The following PCDHA6 variants were observed in gnomAD, a reference collection of about 807,000 sequenced individuals.
The protein encoded by PCDHA6 is protocadherin alpha-6.
Under a neutral mutation model 60.3 loss-of-function variants are expected in PCDHA6, and 55 were observed. The ratio of observed to expected loss-of-function variants is 0.91; its 90% confidence interval spans 0.73 to 1.14. PCDHA6 has a LOEUF of 1.14. Among genes scored for constraint, PCDHA6 ranks in the 50% most tolerant of loss-of-function variants. The probability of loss-of-function intolerance (pLI) is 0.00; values close to 1 mark genes in which losing one functional copy is unlikely to be tolerated. For synonymous variants in PCDHA6, 652 were observed against 557.9 expected (o/e 1.17, Z -2.38); for missense variants, 1,327 against 1,256.5 (o/e 1.06, Z -0.85).
intron 1 of PCDHA6, chr5:140,966,787 A>G (rs781920865): frequency 6.5e-7 from 1 of 1,526,816 alleles, no homozygotes; most frequent in African/African-American, 1.4e-5. Context: ...CGGGCACCAG[A>G]CCTGCGGCGA....
intron 3 of PCDHA6, among the ~76,000 whole-genome samples, chr5:141,006,816 G>C (rs1554260932): frequency 6.6e-6 from 1 of 152,082 alleles, no homozygotes; most frequent in African/African-American, 2.4e-5. Flanking sequence ...TGAGAAATGG[G>C]GTAAATGGGG....
chr5:140,904,150 C>T (rs1005130566), intron 1 of PCDHA6, among the ~76,000 whole-genome samples: 1 of 152,036 alleles, frequency 6.6e-6, no homozygotes, highest in Non-Finnish European at 1.5e-5. Context: ...GTATACATTG[C>T]ACCCAGTTTG....
intron 1 of PCDHA6, chr5:140,869,581 GC>G: frequency 6.2e-7 from 1 of 1,614,134 alleles, no homozygotes; most frequent in Non-Finnish European, 8.5e-7. Flanking sequence ...AGCTTCTGAT[GC>G]TGACATTGAA....
intron 1 of PCDHA6, among the ~76,000 whole-genome samples, chr5:140,906,204 C>A (rs2072457750): frequency 6.6e-6 from 1 of 152,192 alleles, no homozygotes. Context: ...AGTTGACACT[C>A]AGTATTAACC....
intron 1 of PCDHA6, among the ~76,000 whole-genome samples, chr5:140,831,489 T>G (rs201504089): frequency 3.9e-4 from 58 of 148,714 alleles, no homozygotes; most frequent in African/African-American, 1.2e-3. Context: ...CCTCTGGAGT[T>G]ACTACACACG....
intron 1 of PCDHA6, among the ~76,000 whole-genome samples, chr5:140,912,408 T>A (rs1376927432): frequency 6.6e-6 from 1 of 152,054 alleles, no homozygotes; most frequent in Non-Finnish European, 1.5e-5. Flanking sequence ...TCAGCTTGGT[T>A]ATTATTGGTG....
At chr5:140,890,829 T>A (rs1477608523) in intron 1 of PCDHA6, among the ~76,000 whole-genome samples, 1 of 152,226 alleles carries the variant, frequency 6.6e-6, no homozygotes, top group Non-Finnish European at 1.5e-5. Context: ...TGTACTTACA[T>A]ATTTACCAGT....
In PCDHA6 at chr5:140,857,966, G is replaced by C. The variant is rs1212933789; in HGVS notation, c.2394+27481G>C. 1.9e-6 allele frequency: 3 copies of C among 1,596,950 alleles called. No individual in the cohort carries two copies. The highest frequency in any genetic ancestry group is 1.1e-5 in the South Asian group (1 of 90,498). ...TACGACGCGCGCTCTGGATGAGACT[G>C]ACTCGCCACGCCAGCGCCTACTGGT... is the stretch of plus-strand genomic sequence containing the variant. On this transcript the variant is annotated intron_variant, in intron 1 of 3. Transcript: ENST00000529310.
chr5:140,853,528 C>G, intron 1 of PCDHA6: 1 of 978,674 alleles, frequency 1.0e-6, no homozygotes, highest in South Asian at 4.8e-5. Context: ...CCTCCTATGT[C>G]TCTTTTCAAG....
chr5:140,999,403 A>G (rs1325467300), intron 3 of PCDHA6, among the ~76,000 whole-genome samples: 7 of 152,176 alleles, frequency 4.6e-5, no homozygotes, highest in African/African-American at 1.7e-4. Context: ...TTTGCATATG[A>G]AAGAATGGGA....
chr5:140,889,856 G>GT (rs1471217688), intron 1 of PCDHA6, among the ~76,000 whole-genome samples: 17 of 152,122 alleles, frequency 1.1e-4, no homozygotes, highest in African/African-American at 4.1e-4. Context: ...GAGAATATTT[G>GT]TTTTGGGGGA....
chr5:140,869,247 C>T (rs1186478553), intron 1 of PCDHA6: 8 of 1,613,526 alleles, frequency 5.0e-6, no homozygotes, highest in Middle Eastern at 1.7e-4. Flanking sequence ...TGGGCCGCAT[C>T]GCGCAGGACC....
intron 1 of PCDHA6, chr5:140,866,712 T>C (rs2049515311): frequency 6.6e-6 from 1 of 152,156 alleles, no homozygotes; most frequent in South Asian, 2.1e-4. Context: ...CGTGCACTAG[T>C]AAGACATTAA....
At chr5:140,914,962 T>C (rs1301307235) in intron 1 of PCDHA6, among the ~76,000 whole-genome samples, 2 of 136,964 alleles carry the variant, frequency 1.5e-5, no homozygotes, top group Non-Finnish European at 3.2e-5. Flanking sequence ...TTTTTTTTTT[T>C]CTGAGTCAGA....
In PCDHA6 at chr5:140,837,841, C is replaced by T. The variant is rs148049265; in HGVS notation, c.2394+7356C>T. On this transcript the variant is annotated intron_variant, in intron 1 of 3. Coordinates refer to ENST00000529310, the MANE Select transcript of PCDHA6 (RefSeq NM_018909.4). ...ACAGTTTGCATGTCATTGTGCCTGGCTAATTTTATTTTATTTTTGTAGAGA... is the reference window on the plus strand; with the variant it reads ...ACAGTTTGCATGTCATTGTGCCTGGTTAATTTTATTTTATTTTTGTAGAGA... Among the ~76,000 whole-genome samples, 417 of 151,502 alleles carry T rather than the reference C, an allele frequency of 2.8e-3. 6 individuals carry two copies. The highest frequency in any genetic ancestry group is 9.7e-3 in the African/African-American group (400 of 41,204).
intron 1 of PCDHA6, chr5:140,882,607 T>G (rs1313419888): frequency 6.8e-6 from 11 of 1,614,124 alleles, no homozygotes; most frequent in East Asian, 2.2e-5. Flanking sequence ...TGGACAGGCC[T>G]CTGCAGGTTT....
intron 1 of PCDHA6, among the ~76,000 whole-genome samples, chr5:140,892,991 A>G (rs1477087965): frequency 1.3e-5 from 2 of 152,196 alleles, no homozygotes; most frequent in African/African-American, 2.4e-5. Context: ...TATAAGTGAG[A>G]ACATGTATTT....
chr5:140,985,283 A>G (rs955144760), intron 3 of PCDHA6, among the ~76,000 whole-genome samples: 6 of 152,020 alleles, frequency 3.9e-5, no homozygotes, highest in Admixed American at 1.3e-4. Context: ...TCTGCAATCT[A>G]TGATATAGTG....
chr5:140,856,803 A>G, intron 1 of PCDHA6: 4 of 1,595,568 alleles, frequency 2.5e-6, no homozygotes, highest in Non-Finnish European at 3.4e-6. Flanking sequence ...AAGATGTATG[A>G]AAATCAAGTG....
Sources: allele counts gnomAD v4.1 joint callset (sites outside exome capture counted in the v4.1 genomes callset), GRCh38; gene constraint gnomAD v4.1.1; transcripts MANE v1.5; gene names NCBI Gene and HGNC (gene_info 2026-07-23, HGNC 2026-07-21).